Variants in HORMAD2 observed in about 807,000 individuals in gnomAD.
The protein encoded by HORMAD2 is HORMA domain-containing protein 2.
A neutral mutation model predicts 38.8 loss-of-function variants in HORMAD2; 45 were observed. That is an observed-to-expected ratio of 1.16 (90% CI 0.91 to 1.49). HORMAD2 has a LOEUF of 1.49. Among genes scored for constraint, HORMAD2 ranks in the 40% most tolerant of loss-of-function variants. The pLI is 0.00. For missense variants in HORMAD2, 338 were observed against 367.0 expected, an observed-to-expected ratio of 0.92 and a Z score of 0.65; for synonymous variants, 126 against 122.8, an observed-to-expected ratio of 1.03 and a Z score of -0.17.
At chr22:30,099,042 A>G (rs375287933) in intron 3 of HORMAD2, 49 bp downstream of exon 3, 51 of 1,517,482 alleles carry the variant, frequency 3.4e-5, no homozygotes, top group Non-Finnish European at 4.3e-5. Context: ...CCCTTTCTCT[A>G]TTTAGCAGGA....
the HORMAD2 span, among the ~76,000 whole-genome samples, chr22:30,204,123 C>T: frequency 6.6e-6 from 1 of 152,154 alleles, no homozygotes; most frequent in African/African-American, 2.4e-5. Flanking sequence ...ACTGTCTCCT[C>T]CATGACAAGG....
At chr22:30,098,204 A>G (rs1920923554) in intron 2 of HORMAD2, among the ~76,000 whole-genome samples, 1 of 152,192 alleles carries the variant, frequency 6.6e-6, no homozygotes, top group Non-Finnish European at 1.5e-5. Context: ...CTTTTTGTAT[A>G]GGCTGTAGCT....
At chr22:30,102,926 G>A (rs1274446092) in intron 3 of HORMAD2, among the ~76,000 whole-genome samples, 4 of 151,998 alleles carry the variant, frequency 2.6e-5, no homozygotes, top group East Asian at 3.9e-4. Flanking sequence ...CACCACACCC[G>A]GCCTAAACCC....
chr22:30,201,102 C>G, the HORMAD2 span, among the ~76,000 whole-genome samples: 1 of 152,154 alleles, frequency 6.6e-6, no homozygotes, highest in Non-Finnish European at 1.5e-5. Context: ...ATCAAGGTGT[C>G]AGCTGGGTTG....
In HORMAD2 at chr22:30,124,403, G is replaced by A. The variant is rs1462055147; in HGVS notation, c.819+2189G>A. Reference sequence around the variant, plus strand: ...ATATGTACAGTTTAAAGAATAATGAGAACATCCATATGTCCTCCATTTAGG... The same window carrying A: ...ATATGTACAGTTTAAAGAATAATGAAAACATCCATATGTCCTCCATTTAGG... On this transcript the variant is annotated intron_variant, in intron 10 of 10. Transcript: ENST00000336726. Among the ~76,000 whole-genome samples, 3 of 152,078 alleles carry A rather than the reference G, an allele frequency of 2.0e-5. No homozygotes were observed. In the South Asian group the frequency reaches 6.2e-4, roughly 32 times the overall value.
the HORMAD2 span, chr22:30,184,873 T>C: frequency 6.6e-6 from 1 of 152,196 alleles, no homozygotes; most frequent in African/African-American, 2.4e-5. Flanking sequence ...CACCAATTCA[T>C]TGGTTTCTAG....
chr22:30,164,772 G>A (rs1925674454), intron 10 of HORMAD2, among the ~76,000 whole-genome samples: 3 of 152,178 alleles, frequency 2.0e-5, no homozygotes, highest in Non-Finnish European at 4.4e-5. Context: ...GGGATTACAA[G>A]TGTGAGCCAC....
At chr22:30,139,418 C>T (rs374725442) in intron 10 of HORMAD2, among the ~76,000 whole-genome samples, 5 of 150,092 alleles carry the variant, frequency 3.3e-5, no homozygotes, top group Admixed American at 6.7e-5. Context: ...CTGACTGATA[C>T]GCTTGCTGAA....
intron 10 of HORMAD2, among the ~76,000 whole-genome samples, chr22:30,133,428 G>A (rs1923418822): frequency 6.7e-6 from 1 of 149,930 alleles, no homozygotes; most frequent in South Asian, 2.1e-4. Flanking sequence ...TTTTCTTCTG[G>A]ATTTGGCAGA....
intron 10 of HORMAD2, among the ~76,000 whole-genome samples, chr22:30,125,449 A>G (rs1359920819): frequency 6.6e-6 from 1 of 151,214 alleles, no homozygotes; most frequent in African/African-American, 2.4e-5. Context: ...GGTGGTCTTG[A>G]ACTCCCGACC....
rs1212371756 is a variant in HORMAD2 at position 30,103,726 on chromosome 22, A to C, written c.257+226A>C. Among the ~76,000 whole-genome samples the C allele has an allele frequency of 2.5e-5, 3 of 121,818 alleles. No homozygotes were observed. In the Admixed American group the frequency reaches 3.5e-4, roughly 14 times the overall value. 79.9% of individuals were successfully genotyped at this position (121,818 alleles called of 152,430 possible). A position where few individuals can be genotyped will look rare whatever the true frequency, so the allele number is the denominator to read the frequency against. On this transcript the variant is annotated intron_variant, in intron 4 of 10. Coordinates refer to ENST00000336726, the MANE Select transcript of HORMAD2 (RefSeq NM_152510.4). ...CCCCCATGCTGGAGTGCAGTGGCGC[A>C]ATCTCGGCTCACTGCAACCTCTGCC...
chr22:30,205,878 C>A, the HORMAD2 span, among the ~76,000 whole-genome samples: 1 of 152,074 alleles, frequency 6.6e-6, no homozygotes, highest in Non-Finnish European at 1.5e-5. Flanking sequence ...AGAAATCCTA[C>A]CCGAAATCCC....
chr22:30,086,784 G>GATAT (rs150147330), intron 1 of HORMAD2, among the ~76,000 whole-genome samples: 6 of 149,564 alleles, frequency 4.0e-5, no homozygotes, highest in Admixed American at 2.0e-4. Flanking sequence ...ACACATTTGA[G>GATAT]ATATATATAT....
chr22:30,090,087 G>C (rs2068655301), intron 1 of HORMAD2, among the ~76,000 whole-genome samples: 1 of 152,216 alleles, frequency 6.6e-6, no homozygotes, highest in South Asian at 2.1e-4. Context: ...TAGGGGTCGG[G>C]TGTGGTGGCT....
intron 2 of HORMAD2, among the ~76,000 whole-genome samples, chr22:30,095,183 GA>G (rs2068760397): frequency 6.6e-6 from 1 of 152,166 alleles, no homozygotes; most frequent in Non-Finnish European, 1.5e-5. Flanking sequence ...TTACATAAAA[GA>G]GTGTTAATTA....
chr22:30,175,961 T>C, intron 10 of HORMAD2, 102 bp from the exon 11 acceptor site: 2 of 754,378 alleles, frequency 2.7e-6, no homozygotes, highest in Non-Finnish European at 4.5e-6. Flanking sequence ...GGATCCGTTA[T>C]GCAGCTTGAG....
At chr22:30,114,527 T>A (rs567632895) in intron 7 of HORMAD2, among the ~76,000 whole-genome samples, 72 of 152,336 alleles carry the variant, frequency 4.7e-4, no homozygotes, top group African/African-American at 1.6e-3. Context: ...AAAACAACAT[T>A]CTAACATAAA....
chr22:30,094,596 G>A (rs1315507570), intron 2 of HORMAD2, among the ~76,000 whole-genome samples: 1 of 152,148 alleles, frequency 6.6e-6, no homozygotes, highest in Non-Finnish European at 1.5e-5. Flanking sequence ...TAGGAGTTAA[G>A]TCAATATACA....
In HORMAD2 at chr22:30,100,306, A is replaced by G. The variant is rs576854636; in HGVS notation, c.193+1313A>G. Among the ~76,000 whole-genome samples the G allele has an allele frequency of 7.9e-4, 121 of 152,328 alleles. 1 individual carries two copies. Among genetic ancestry groups the G allele is most frequent in the Non-Finnish European group, 1.5e-3 (100 of 68,028 alleles). On this transcript the variant is annotated intron_variant, in intron 3 of 10. Coordinates refer to ENST00000336726, the MANE Select transcript of HORMAD2 (RefSeq NM_152510.4). ...CACATCTACAACCATCTGATCTTTG[A>G]CAAACCTGACAAAAACAAGCATTGA...
Sources: allele counts gnomAD v4.1 joint callset (sites outside exome capture counted in the v4.1 genomes callset), GRCh38; gene constraint gnomAD v4.1.1; transcripts MANE v1.5; gene names NCBI Gene and HGNC (gene_info 2026-07-23, HGNC 2026-07-21).